The following SMCHD1 variants were observed in gnomAD, a reference collection of about 807,000 sequenced individuals.
The protein encoded by SMCHD1 is structural maintenance of chromosomes flexible hinge domain-containing protein 1.
SMCHD1 carries 78 observed loss-of-function variants against 254.7 expected under a neutral mutation model. That is an observed-to-expected ratio of 0.31 (90% CI 0.26 to 0.37). The LOEUF (loss-of-function observed/expected upper bound fraction) is 0.37, where lower values mean the gene tolerates loss of function less well. Among genes scored for constraint, SMCHD1 ranks in the 10% least tolerant of loss-of-function variants. The pLI, the probability that SMCHD1 is intolerant of heterozygous loss-of-function variation, is 1.00. For synonymous variants in SMCHD1, 766 were observed against 794.9 expected, an observed-to-expected ratio of 0.96 and a Z score of 0.61; for missense variants, 1,840 against 2,408.1, an observed-to-expected ratio of 0.76 and a Z score of 4.94.
chr18:2,732,564 G>A (rs1243767033), intron 25 of SMCHD1, 72 bp downstream of exon 25: 12 of 879,110 alleles, frequency 1.4e-5, no homozygotes, highest in East Asian at 5.4e-5. Context: ...TGAACAAGCC[G>A]TTTTATGGGT....
At chr18:2,765,996 G>GTTTTCATTTTTTTTTTTTT (rs1568340930) in intron 37 of SMCHD1, among the ~76,000 whole-genome samples, 26 of 140,768 alleles carry the variant, frequency 1.8e-4, no homozygotes, top group African/African-American at 6.6e-4. Flanking sequence ...GCTATGTCCA[G>GTTTTCATTTTTTTTTTTTT]TTTTCTTTTT....
intron 17 of SMCHD1, among the ~76,000 whole-genome samples, chr18:2,714,055 G>A (rs916534526): frequency 1.3e-5 from 2 of 152,240 alleles, no homozygotes; most frequent in Admixed American, 1.3e-4. Flanking sequence ...TTGTTGCAAC[G>A]TTTTCTATCT....
At position 2,718,518 on chromosome 18, in the gene SMCHD1, G is replaced by A; in HGVS notation, c.2458+84G>A. On this transcript the variant is annotated intron_variant, in intron 19 of 47. Coordinates refer to ENST00000320876, the MANE Select transcript of SMCHD1 (RefSeq NM_015295.3). This position sits in a 1 kb window ranked among gnomAD's most constrained non-coding sequence, Gnocchi z 4.6. ...AGAAAAGAGAGATAAGCCATTAAAA[G>A]ATGTTTGAACAATTGGGTAACCATC... 3.3e-6 allele frequency: 4 copies of A among 1,228,906 alleles called. No homozygotes were observed. The highest frequency in any genetic ancestry group is 4.5e-6 in the Non-Finnish European group (4 of 890,978). The allele number at this position is 1,228,906 out of a possible 1,614,324, so 76.1% of individuals were successfully genotyped here.
At position 2,666,892 on chromosome 18, in the gene SMCHD1, C is replaced by G. The variant is rs781228318; in HGVS notation, c.285C>G (p.Val95=). 1 of 1,610,528 alleles carries G rather than the reference C, an allele frequency of 6.2e-7. No homozygotes were observed. Among genetic ancestry groups the G allele is most frequent in the South Asian group, 1.1e-5 (1 of 90,572 alleles). ...CAGATGAAACTGTTAAAGATGGAGT[C>G]ACCTTATACCTGCTACAGTCGGTCA... ...DNFDETVKDG[V]TLYLLQSVNQ... The change falls in exon 3 of 48, where the codon GTC becomes GTG. Residue 95 remains valine, a synonymous_variant. Transcript: ENST00000320876.
chr18:2,664,571 G>T (rs1435541800), intron 1 of SMCHD1, among the ~76,000 whole-genome samples: 1 of 152,084 alleles, frequency 6.6e-6, no homozygotes, highest in African/African-American at 2.4e-5. Flanking sequence ...TAGCTTTAAA[G>T]GCTTGATTTG....
At chr18:2,792,561 C>T (rs995492129) in intron 45 of SMCHD1, among the ~76,000 whole-genome samples, 3 of 152,150 alleles carry the variant, frequency 2.0e-5, no homozygotes, top group Non-Finnish European at 2.9e-5. Context: ...GAACATGTCC[C>T]ATGAGGAAAA....
chr18:2,698,526 TTTTA>T (rs1421675311), intron 10 of SMCHD1, among the ~76,000 whole-genome samples: 12 of 151,768 alleles, frequency 7.9e-5, no homozygotes, highest in Non-Finnish European at 1.6e-4. Flanking sequence ...CAAGGTGGGG[TTTTA>T]TTTATTTATT....
chr18:2,794,512 C>T (rs1270879653), intron 45 of SMCHD1, among the ~76,000 whole-genome samples: 1 of 152,058 alleles, frequency 6.6e-6, no homozygotes, highest in Non-Finnish European at 1.5e-5. Context: ...TCTCAAAAAA[C>T]AAAAACAAAA....
rs1171461567 is a variant in SMCHD1, at chr18:2,778,771, C to T, written c.5547+532C>T. The stretch of plus-strand genomic sequence containing the variant: ...TTCCCCCTGTCTCTTCACATCTGTG[C>T]GTGACTGTGTTCAAATTTCCCCCTT... On this transcript the variant is annotated intron_variant, in intron 44 of 47. Transcript: ENST00000320876. Among the ~76,000 whole-genome samples the T allele has an allele frequency of 2.6e-5, 4 of 152,134 alleles. No homozygotes were observed. The East Asian group carries it at 5.8e-4, about 22-fold the overall frequency.
chr18:2,739,636 A>G, intron 27 of SMCHD1, 116 bp downstream of exon 27: 1 of 696,296 alleles, frequency 1.4e-6, no homozygotes, highest in Non-Finnish European at 2.4e-6. Flanking sequence ...ATATAATGTT[A>G]CTGATATAAA....
intron 1 of SMCHD1, among the ~76,000 whole-genome samples, chr18:2,662,092 GAGCTTGC>G (rs2073282438): frequency 7.0e-6 from 1 of 142,980 alleles, no homozygotes; most frequent in Non-Finnish European, 1.5e-5. Context: ...CCGGGAAGCG[GAGCTTGC>G]AGTGAGCCGA....
intron 42 of SMCHD1, among the ~76,000 whole-genome samples, chr18:2,776,175 CGT>C (rs1363468961): frequency 2.0e-5 from 3 of 151,962 alleles, no homozygotes; most frequent in Non-Finnish European, 4.4e-5. Flanking sequence ...GTATATGTAA[CGT>C]ATACACACAA....
chr18:2,746,978 A>G (rs1598398634), intron 29 of SMCHD1, among the ~76,000 whole-genome samples: 1 of 139,598 alleles, frequency 7.2e-6, no homozygotes, highest in East Asian at 2.1e-4. Context: ...GAATAGTCCT[A>G]TTTAACCAAG....
At chr18:2,735,711 A>T (rs1274251102) in intron 25 of SMCHD1, among the ~76,000 whole-genome samples, 1 of 152,172 alleles carries the variant, frequency 6.6e-6, no homozygotes, top group African/African-American at 2.4e-5. Context: ...AATACATCTA[A>T]CCAAGGAAGT....
At chr18:2,745,304 C>T (rs147536782) in intron 29 of SMCHD1, among the ~76,000 whole-genome samples, 1 of 152,176 alleles carries the variant, frequency 6.6e-6, no homozygotes, top group African/African-American at 2.4e-5. Context: ...CAGGTGTGAG[C>T]CACCGTTCCC....
At chr18:2,746,019 T>C (rs1281143925) in intron 29 of SMCHD1, among the ~76,000 whole-genome samples, 3 of 152,132 alleles carry the variant, frequency 2.0e-5, no homozygotes, top group Admixed American at 6.6e-5. Context: ...ACATATATTA[T>C]TCTTTATAAA....
chr18:2,710,210 G>A (rs996986140), intron 17 of SMCHD1, among the ~76,000 whole-genome samples: 2 of 152,176 alleles, frequency 1.3e-5, no homozygotes, highest in Non-Finnish European at 2.9e-5. Context: ...GACCACATAT[G>A]TGAGAATTTA....
At chr18:2,728,032 A>G (rs1481677201) in intron 22 of SMCHD1, among the ~76,000 whole-genome samples, 1 of 152,080 alleles carries the variant, frequency 6.6e-6, no homozygotes, top group African/African-American at 2.4e-5. Flanking sequence ...TGACCTGATC[A>G]TGTCATTACA....
intron 15 of SMCHD1, 67 bp downstream of exon 15, chr18:2,706,537 C>G (rs993138032): frequency 8.3e-6 from 9 of 1,084,292 alleles, no homozygotes; most frequent in Middle Eastern, 3.9e-4. Context: ...TGTAAGTATT[C>G]TGAGTATGTC....
Sources: gnomAD v4.1 joint callset for allele counts (sites outside exome capture counted in the v4.1 genomes callset) on GRCh38, gnomAD v4.1.1 for gene constraint, Gnocchi (gnomAD v3.1) non-coding constraint, MANE v1.5 for transcripts, NCBI Gene and HGNC (gene_info 2026-07-23, HGNC 2026-07-21) for gene names.